The following KIF26B variants were observed in gnomAD, a reference collection of about 807,000 sequenced individuals.
KIF26B encodes the protein kinesin-like protein KIF26B.
KIF26B carries 63 observed loss-of-function variants against 151.2 expected under a neutral mutation model. The ratio of observed to expected loss-of-function variants is 0.42; its 90% confidence interval spans 0.34 to 0.51. The LOEUF is 0.51. Ranked by LOEUF, KIF26B falls within the 20% of genes least tolerant of loss-of-function variation. KIF26B has a pLI of 0.07. For synonymous variants in KIF26B, 1,357 were observed against 1,262.1 expected, an observed-to-expected ratio of 1.08 and a Z score of -1.59; for missense variants, 2,813 against 2,913.6, an observed-to-expected ratio of 0.97 and a Z score of 0.79.
chr1:245,502,861 C>CTTT (rs761926443), intron 4 of KIF26B, among the ~76,000 whole-genome samples: 2 of 139,172 alleles, frequency 1.4e-5, no homozygotes, highest in Non-Finnish European at 1.6e-5. Context: ...TTATGGTGAA[C>CTTT]TTTTTTTTTT....
intron 2 of KIF26B, among the ~76,000 whole-genome samples, chr1:245,245,891 A>C (rs761878024): frequency 3.9e-4 from 57 of 146,538 alleles, no homozygotes; most frequent in Non-Finnish European, 6.7e-4. Flanking sequence ...ACACTACTAC[A>C]GTCCAGCCTG....
chr1:245,647,857 C>G (rs1409124284), intron 10 of KIF26B, among the ~76,000 whole-genome samples: 2 of 152,194 alleles, frequency 1.3e-5, no homozygotes, highest in East Asian at 1.9e-4. Flanking sequence ...CATCTCATTT[C>G]TAGAAATTTG....
At chr1:245,550,148 G>C (rs1771504) in intron 5 of KIF26B, among the ~76,000 whole-genome samples, 118,831 of 152,140 alleles carry the variant, frequency 0.78, 46,794 homozygotes, top group African/African-American at 0.87. Context: ...CTCAGTCTGC[G>C]TCTGTGTTCT....
At chr1:245,683,878 G>T (rs1380182397) in intron 10 of KIF26B, among the ~76,000 whole-genome samples, 2 of 152,150 alleles carry the variant, frequency 1.3e-5, no homozygotes, top group South Asian at 4.1e-4. Flanking sequence ...TCAGCAAGCC[G>T]AGTCACCAGG....
intron 4 of KIF26B, among the ~76,000 whole-genome samples, chr1:245,492,282 G>A (rs1660424565): frequency 6.6e-6 from 1 of 152,186 alleles, no homozygotes; most frequent in Non-Finnish European, 1.5e-5. Context: ...GGCCTCCCTG[G>A]GTTCTCTGGG....
intron 9 of KIF26B, among the ~76,000 whole-genome samples, chr1:245,613,944 C>T (rs998185480): frequency 3.3e-5 from 5 of 152,146 alleles, no homozygotes; most frequent in African/African-American, 7.2e-5. Flanking sequence ...TCCCTCTTGC[C>T]GTTTGTCCCT....
At chr1:245,689,800 C>T (rs61831277) in intron 12 of KIF26B, among the ~76,000 whole-genome samples, 5,772 of 152,216 alleles carry the variant, frequency 0.038, 148 homozygotes, top group South Asian at 0.078. Context: ...TCAAGTGATC[C>T]GCCCGTCTCA....
intron 2 of KIF26B, among the ~76,000 whole-genome samples, chr1:245,210,186 C>A (rs747562432): frequency 2.6e-5 from 4 of 152,218 alleles, no homozygotes; most frequent in Admixed American, 2.0e-4. Flanking sequence ...CAGCCCACCC[C>A]CAAGGCCCCG....
intron 4 of KIF26B, among the ~76,000 whole-genome samples, chr1:245,522,699 C>G (rs979930307): frequency 6.6e-6 from 1 of 152,146 alleles, no homozygotes; most frequent in Non-Finnish European, 1.5e-5. Flanking sequence ...ACCCTCCCAG[C>G]CAACTGCACA....
intron 5 of KIF26B, among the ~76,000 whole-genome samples, chr1:245,593,793 G>A (rs1224992112): frequency 6.6e-6 from 1 of 152,212 alleles, no homozygotes; most frequent in Non-Finnish European, 1.5e-5. Flanking sequence ...CACCAAAAGT[G>A]TAAAAGCATT....
chr1:245,629,543 G>A (rs2043758015), intron 9 of KIF26B, among the ~76,000 whole-genome samples: 1 of 152,156 alleles, frequency 6.6e-6, no homozygotes, highest in Non-Finnish European at 1.5e-5. Context: ...CTAGCCGTAT[G>A]CAGAAAACTA....
intron 2 of KIF26B, among the ~76,000 whole-genome samples, chr1:245,222,680 C>T (rs1669798103): frequency 6.6e-6 from 1 of 152,152 alleles, no homozygotes; most frequent in Admixed American, 6.5e-5. Flanking sequence ...AACCTTGAAA[C>T]AACCCAAATG....
At chr1:245,281,924 G>A (rs954323957) in intron 2 of KIF26B, among the ~76,000 whole-genome samples, 1 of 151,492 alleles carries the variant, frequency 6.6e-6, no homozygotes, top group African/African-American at 2.4e-5. Flanking sequence ...TAGATATGCG[G>A]TGTTATTTCT....
intron 3 of KIF26B, among the ~76,000 whole-genome samples, chr1:245,377,453 C>T (rs1673304713): frequency 6.6e-6 from 1 of 152,224 alleles, no homozygotes; most frequent in Non-Finnish European, 1.5e-5. Context: ...GAGTCTACCC[C>T]AATCCAGTAG....
Position 245,698,020 on chromosome 1 carries a change from C to A in KIF26B, c.5825-86C>A. The A allele has an allele frequency of 7.9e-7, 1 of 1,268,938 alleles. No homozygotes were observed. The highest frequency in any genetic ancestry group is 1.1e-6 in the Non-Finnish European group (1 of 919,068). The allele number at this position is 1,268,938 out of a possible 1,614,324, so 78.6% of individuals were successfully genotyped here. On this transcript the variant is annotated intron_variant, in intron 12 of 14. Coordinates refer to ENST00000407071, the MANE Select transcript of KIF26B (RefSeq NM_018012.4). The surrounding 1 kb of genome is among the most constrained non-coding windows in gnomAD (Gnocchi z 4.0). ...TCGCACCACTGCACTCCAGCCTGGGCAACAGAGCAAGACCCTGTCTCAAAA... is the reference window on the plus strand; with the variant it reads ...TCGCACCACTGCACTCCAGCCTGGGAAACAGAGCAAGACCCTGTCTCAAAA...
At chr1:245,303,409 A>T (rs1023636002) in intron 2 of KIF26B, among the ~76,000 whole-genome samples, 3 of 150,722 alleles carry the variant, frequency 2.0e-5, no homozygotes, top group East Asian at 1.9e-4. Flanking sequence ...CGTGTTAGCC[A>T]GGATGGTCTC....
intron 2 of KIF26B, among the ~76,000 whole-genome samples, chr1:245,313,184 A>G (rs1363270850): frequency 3.9e-5 from 6 of 151,948 alleles, no homozygotes; most frequent in Admixed American, 3.3e-4. Context: ...AAACAAACAA[A>G]CAAAAAGATG....
intron 4 of KIF26B, among the ~76,000 whole-genome samples, chr1:245,487,814 T>A (rs1218406865): frequency 2.0e-5 from 3 of 151,084 alleles, no homozygotes; most frequent in Admixed American, 6.6e-5. Context: ...TCATTTGCAT[T>A]TGCATTTCAG....
chr1:245,569,927 ATTTT>A (rs869238168), intron 5 of KIF26B, among the ~76,000 whole-genome samples: 2 of 47,664 alleles, frequency 4.2e-5, no homozygotes, highest in Non-Finnish European at 7.5e-5. Context: ...TAAATAGAGA[ATTTT>A]TTTTTTTTTT....
Sources: gnomAD v4.1 joint callset for allele counts (sites outside exome capture counted in the v4.1 genomes callset) on GRCh38, gnomAD v4.1.1 for gene constraint, Gnocchi (gnomAD v3.1) non-coding constraint, MANE v1.5 for transcripts, NCBI Gene and HGNC (gene_info 2026-07-23, HGNC 2026-07-21) for gene names.